The following GCN1 variants were observed in gnomAD, a reference collection of about 807,000 sequenced individuals.
GCN1 encodes GCN1 activator of EIF2AK4.
A neutral mutation model predicts 288.4 loss-of-function variants in GCN1; 90 were observed. The ratio of observed to expected loss-of-function variants is 0.31; its 90% confidence interval spans 0.26 to 0.37. The LOEUF (loss-of-function observed/expected upper bound fraction) is 0.37. GCN1 is among the 10% of genes least tolerant of loss of function. The probability of loss-of-function intolerance (pLI) is 1.00; values close to 1 mark genes in which losing one functional copy is unlikely to be tolerated. For synonymous variants in GCN1, 1,386 were observed against 1,420.2 expected (o/e 0.98, Z 0.54); for missense variants, 2,586 against 3,419.9 (o/e 0.76, Z 6.08).
chr12:120,175,111 A>G (rs1240876475), intron 12 of GCN1, 51 bp downstream of exon 12: 87 of 1,518,332 alleles, frequency 5.7e-5, no homozygotes, highest in Non-Finnish European at 7.8e-5. Context: ...TAGATGACAC[A>G]GCAAGACTTT....
At chr12:120,174,226 C>T (rs1228275952) in intron 12 of GCN1, 57 bp from the exon 13 acceptor site, 1 of 966,762 alleles carries the variant, frequency 1.0e-6, no homozygotes, top group Non-Finnish European at 1.7e-6. Context: ...AGAGGCAAGT[C>T]TTCCCACTGC....
intron 26 of GCN1, 76 bp downstream of exon 26, chr12:120,157,773 G>C (rs778434561): frequency 7.9e-5 from 92 of 1,160,548 alleles, no homozygotes; most frequent in Non-Finnish European, 2.1e-5. Context: ...AACTGTTCAT[G>C]AGACAAAACG....
intron 1 of GCN1, among the ~76,000 whole-genome samples, chr12:120,194,096 G>C (rs977942004): frequency 1.3e-5 from 2 of 152,196 alleles, no homozygotes; most frequent in African/African-American, 4.8e-5. Flanking sequence ...CATATATCAA[G>C]CCGTATTTTA....
intron 9 of GCN1, among the ~76,000 whole-genome samples, chr12:120,177,085 G>T (rs1878503068): frequency 6.6e-6 from 1 of 152,056 alleles, no homozygotes; most frequent in Non-Finnish European, 1.5e-5. Context: ...TTGAGATAGG[G>T]TCTCACTCTG....
At chr12:120,138,130 C>T in intron 47 of GCN1, 86 bp from the exon 48 acceptor site, 2 of 1,262,120 alleles carry the variant, frequency 1.6e-6, no homozygotes, top group Admixed American at 4.0e-5. Context: ...GCAAGAGAGC[C>T]CAAGCCCACT....
At chr12:120,135,694 CTGTT>C (rs772151977) in intron 51 of GCN1, among the ~76,000 whole-genome samples, 15 of 152,160 alleles carry the variant, frequency 9.9e-5, no homozygotes, top group South Asian at 8.3e-4. Context: ...ACCAGAGTGA[CTGTT>C]TGGAGGTTCA....
At chr12:120,191,006 C>G (rs1365600621) in intron 1 of GCN1, among the ~76,000 whole-genome samples, 1 of 152,186 alleles carries the variant, frequency 6.6e-6, no homozygotes, top group African/African-American at 2.4e-5. Context: ...CCCCAATCTT[C>G]AGTTTTCTCA....
chr12:120,155,767 G>C lies in GCN1; in HGVS notation c.3313-48C>G. On this transcript the variant is annotated intron_variant, in intron 28 of 57. Transcript: ENST00000300648. The surrounding 1 kb of genome is among the most constrained non-coding windows in gnomAD (Gnocchi z 4.9). Reference sequence around the variant, plus strand: ...GTGTGAGGCATCATCTTTCAGAAGAGCCTCTGACCTGCCTCCTCACCTCTC... The same window carrying C: ...GTGTGAGGCATCATCTTTCAGAAGACCCTCTGACCTGCCTCCTCACCTCTC... 3 of 1,603,428 alleles carry C rather than the reference G, an allele frequency of 1.9e-6. No individual in the cohort carries two copies. The highest frequency in any genetic ancestry group is 2.6e-6 in the Non-Finnish European group (3 of 1,172,292).
chr12:120,187,642 G>A (rs1878862585), intron 2 of GCN1, among the ~76,000 whole-genome samples: 1 of 151,952 alleles, frequency 6.6e-6, no homozygotes, highest in African/African-American at 2.4e-5. Flanking sequence ...ACCCAGGCTG[G>A]AAAGCAGTAG....
intron 16 of GCN1, among the ~76,000 whole-genome samples, chr12:120,166,857 T>A (rs1297493210): frequency 6.9e-6 from 1 of 144,568 alleles, no homozygotes; most frequent in Non-Finnish European, 1.5e-5. Flanking sequence ...TAAAAAAAAA[T>A]ACAAAAATTA....
intron 56 of GCN1, 47 bp from the exon 57 acceptor site, chr12:120,129,541 T>C: frequency 1.4e-6 from 2 of 1,408,914 alleles, no homozygotes; most frequent in Non-Finnish European, 2.0e-6. Flanking sequence ...ATGTCATCTA[T>C]TCCTTGAAGC....
At position 120,153,234 on chromosome 12, in the gene GCN1, G is replaced by C; in HGVS notation, c.4041C>G (p.Ala1347=). Residue 1347 remains alanine (A), a synonymous_variant, in exon 33 of 58, where the codon GCC becomes GCG. Coordinates refer to ENST00000300648, the MANE Select transcript of GCN1 (RefSeq NM_006836.2). This position sits in a 1 kb window ranked among gnomAD's most constrained non-coding sequence, Gnocchi z 4.4. Reference sequence around the variant, plus strand: ...GTACCTGCTGGGAGGGGGTGGAGAGGGCAGCGATGAGCTTGGCAACAATGG... The same window carrying C: ...GTACCTGCTGGGAGGGGGTGGAGAGCGCAGCGATGAGCTTGGCAACAATGG... ...VKPIVAKLIA[A]LSTPSQQVQE... is the part of the protein sequence containing the mutation. 6.2e-7 allele frequency: 1 copy of C among 1,614,176 alleles called. No individual in the cohort carries two copies. Among genetic ancestry groups the C allele is most frequent in the Non-Finnish European group, 8.5e-7 (1 of 1,180,018 alleles).
At chr12:120,128,524 C>T (rs149685640) in intron 57 of GCN1, among the ~76,000 whole-genome samples, 6 of 151,830 alleles carry the variant, frequency 4.0e-5, no homozygotes, top group South Asian at 2.1e-4. Flanking sequence ...TTAGTAGAGA[C>T]GGGGTTTCTC....
rs1878200003 is a variant in GCN1, at chr12:120,168,332, A to G, written c.1520-32T>C. 9 of 1,228,134 alleles carry G rather than the reference A, an allele frequency of 7.3e-6. No homozygotes were observed. The East Asian group carries it at 1.6e-4, about 22-fold the overall frequency. The allele number at this position is 1,228,134 out of a possible 1,614,324, so 76.1% of individuals were successfully genotyped here. A position where few individuals can be genotyped will look rare whatever the true frequency, so the allele number is the denominator to read the frequency against. Reference sequence around the variant, plus strand: ...GAAACAAAAGGTTACCCCACGACGCAGCTCACCACATCCCCCAGAGCTGAT... The same window carrying G: ...GAAACAAAAGGTTACCCCACGACGCGGCTCACCACATCCCCCAGAGCTGAT... On this transcript the variant is annotated intron_variant, in intron 15 of 57. Transcript: ENST00000300648.
Position 120,184,209 on chromosome 12 carries a change from T to C in GCN1, c.220A>G (p.Ile74Val), listed in dbSNP as rs1260992645. 5.6e-6 allele frequency: 9 copies of C among 1,613,844 alleles called. No individual in the cohort carries two copies. The highest frequency in any genetic ancestry group is 7.6e-6 in the Non-Finnish European group (9 of 1,179,924). Residue 74 changes from isoleucine to valine, a missense_variant, in exon 4 of 58, where the codon ATC (isoleucine) becomes GTC (valine). This residue lies in a region of GCN1 where 913 missense variants were observed against 1,107.0 expected (regional missense o/e 0.82). Coordinates refer to ENST00000300648, the MANE Select transcript of GCN1 (RefSeq NM_006836.2). Reference protein sequence around the residue: ...AASRRALQAAIQQLAEAQPEA... With the variant: ...AASRRALQAAVQQLAEAQPEA... ...GGCTGGGCCTCAGCCAACTGCTGGA[T>C]GGCTGCCTGCAAGGCCCTGCGGGAG...
rs181985176 is a variant in GCN1 at position 120,151,487 on chromosome 12, A to T, written c.4063-96T>A. 92 of 1,307,628 alleles carry T rather than the reference A, an allele frequency of 7.0e-5. No individual in the cohort carries two copies. In the East Asian group the frequency reaches 2.2e-3, roughly 32 times the overall value. The allele number at this position is 1,307,628 out of a possible 1,614,324, so 81.0% of individuals were successfully genotyped here. A position where few individuals can be genotyped will look rare whatever the true frequency, so the allele number is the denominator to read the frequency against. On this transcript the variant is annotated intron_variant, in intron 33 of 57. Transcript: ENST00000300648. ...CATTCTACACAGCACCCACCACTAG[A>T]TGTCCCAAGCCCCATCTCAGCCACT...
chr12:120,161,533 G>C lies in GCN1; in HGVS notation c.2393C>G (p.Ala798Gly), dbSNP rs199572780. 4.3e-6 allele frequency: 7 copies of C among 1,613,992 alleles called. No homozygotes were observed. The highest frequency in any genetic ancestry group is 5.9e-6 in the Non-Finnish European group (7 of 1,179,876). ...GATGATCTGCTCTTTGAAGGAATAAGCTTTGTTCTCTCGCTTCATGTTGGC... is the reference window on the plus strand; with the variant it reads ...GATGATCTGCTCTTTGAAGGAATAACCTTTGTTCTCTCGCTTCATGTTGGC... The part of the protein sequence containing the change: ...KKANMKRENK[A>G]YSFKEQIIEL... Residue 798 changes from alanine (A) to glycine (G), a missense_variant, in exon 22 of 58, where the codon GCT becomes GGT. Transcript: ENST00000300648.
chr12:120,194,505 C>G (rs1390069812), intron 1 of GCN1, among the ~76,000 whole-genome samples, 175 bp downstream of exon 1: 1 of 152,232 alleles, frequency 6.6e-6, no homozygotes, highest in East Asian at 1.9e-4. Flanking sequence ...CTGCGCCGCC[C>G]GGGCCGGGCC....
chr12:120,158,935 C>A lies in GCN1; in HGVS notation c.2750-320G>T, dbSNP rs1468290785. Reference sequence around the variant, plus strand: ...GCTCAAGAAGGAGAATGGCATGAACCCGGGAAGCGGAGCTGGCAGTGAGCC... The same window carrying A: ...GCTCAAGAAGGAGAATGGCATGAACACGGGAAGCGGAGCTGGCAGTGAGCC... On this transcript the variant is annotated intron_variant, in intron 24 of 57. Coordinates refer to ENST00000300648, the MANE Select transcript of GCN1 (RefSeq NM_006836.2). This position sits in a 1 kb window ranked among gnomAD's most constrained non-coding sequence, Gnocchi z 4.3. 1.3e-5 allele frequency among the ~76,000 whole-genome samples: 2 copies of A among 151,628 alleles called. No homozygotes were observed. Among genetic ancestry groups the A allele is most frequent in the Non-Finnish European group, 2.9e-5 (2 of 67,940 alleles).
Sources: gnomAD v4.1 joint callset for allele counts (sites outside exome capture counted in the v4.1 genomes callset) on GRCh38, gnomAD v4.1.1 for gene constraint, gnomAD v4.1.1 regional missense constraint, Gnocchi (gnomAD v3.1) non-coding constraint, MANE v1.5 for transcripts, NCBI Gene and HGNC (gene_info 2026-07-23, HGNC 2026-07-21) for gene names.